KCNN3: variants seen among roughly 807,000 people sequenced by gnomAD.
KCNN3 encodes small conductance calcium-activated potassium channel protein 3.
In KCNN3, 16 loss-of-function variants were observed where a neutral mutation model predicts 62.9. The observed-to-expected ratio is 0.25, with a 90% CI of 0.17 to 0.39. KCNN3 has a LOEUF of 0.39. KCNN3 is among the 10% of genes least tolerant of loss of function. The pLI is 1.00. For missense variants in KCNN3, 599 were observed against 949.4 expected (o/e 0.63, Z 4.85); for synonymous variants, 370 against 389.2 (o/e 0.95, Z 0.58).
chr1:154,774,289 C>CT (rs1203614363), intron 2 of KCNN3, among the ~76,000 whole-genome samples: 3 of 152,196 alleles, frequency 2.0e-5, no homozygotes, highest in Admixed American at 2.0e-4. Flanking sequence ...AAGATGCTTC[C>CT]TGCTGTCACC....
chr1:154,868,847 G>A (rs1321283914), intron 1 of KCNN3, among the ~76,000 whole-genome samples, 185 bp downstream of exon 1: 1 of 151,500 alleles, frequency 6.6e-6, no homozygotes, highest in Non-Finnish European at 1.5e-5. Flanking sequence ...CTGAGCAAGC[G>A]CCTCTCACCA....
intron 1 of KCNN3, among the ~76,000 whole-genome samples, chr1:154,845,534 C>T (rs1419312606): frequency 6.6e-6 from 1 of 152,218 alleles, no homozygotes. Flanking sequence ...TACCCAGGAC[C>T]ACTGAGGCCA....
In KCNN3 at chr1:154,869,140, G is replaced by C. The variant is rs1653074418; in HGVS notation, c.825C>G (p.Ala275=). The part of the protein sequence containing the change: ...NIGYKLGHRR[A]LFEKRKRLSD... ...TCAGTCGCTTTCTCTTTTCAAACAG[G>C]GCCCTCCTGTGTCCCAGCTTATAGC... The change falls in exon 1 of 8, where the codon GCC becomes GCG. Residue 275 remains alanine (A), a synonymous_variant. Transcript: ENST00000271915. The surrounding 1 kb of genome is among the most constrained non-coding windows in gnomAD (Gnocchi z 6.1). 1 of 1,613,988 alleles carries C rather than the reference G, an allele frequency of 6.2e-7. No individual in the cohort carries two copies. Among genetic ancestry groups the C allele is most frequent in the South Asian group, 1.1e-5 (1 of 91,074 alleles).
intron 2 of KCNN3, among the ~76,000 whole-genome samples, chr1:154,797,571 T>C (rs1181629338): frequency 6.6e-6 from 1 of 152,224 alleles, no homozygotes; most frequent in Non-Finnish European, 1.5e-5. Flanking sequence ...CACGGACTTA[T>C]TTGATTGATT....
intron 2 of KCNN3, among the ~76,000 whole-genome samples, chr1:154,807,005 C>G (rs1650200068): frequency 6.6e-6 from 1 of 152,154 alleles, no homozygotes; most frequent in Non-Finnish European, 1.5e-5. Context: ...TACAAGAGAT[C>G]CTGTCCCTCA....
intron 2 of KCNN3, among the ~76,000 whole-genome samples, chr1:154,804,232 T>A (rs745639952): frequency 2.0e-5 from 3 of 152,248 alleles, no homozygotes; most frequent in Non-Finnish European, 4.4e-5. Flanking sequence ...TTCAGATTAA[T>A]GCGTTCACTC....
At chr1:154,830,737 G>C (rs1557997774) in intron 1 of KCNN3, among the ~76,000 whole-genome samples, 1 of 152,226 alleles carries the variant, frequency 6.6e-6, no homozygotes, top group Non-Finnish European at 1.5e-5. Context: ...GGTCTGAGCA[G>C]AGGGTGGCCT....
intron 6 of KCNN3, among the ~76,000 whole-genome samples, chr1:154,714,272 G>GT (rs1700161024): frequency 5.8e-5 from 3 of 51,340 alleles, no homozygotes; most frequent in Non-Finnish European, 1.2e-4. Context: ...TGTGGTATGT[G>GT]GTGTGTGTGG....
chr1:154,742,880 T>C (rs540413650), intron 3 of KCNN3, among the ~76,000 whole-genome samples: 3 of 152,316 alleles, frequency 2.0e-5, no homozygotes, highest in African/African-American at 7.2e-5. Context: ...GCTGCACGGA[T>C]GTGGAGAAAG....
chr1:154,734,777 C>T (rs1700675460), intron 3 of KCNN3, among the ~76,000 whole-genome samples: 1 of 152,238 alleles, frequency 6.6e-6, no homozygotes, highest in Admixed American at 6.5e-5. Flanking sequence ...CAAACATTCT[C>T]ATCTCACAAC....
intron 2 of KCNN3, among the ~76,000 whole-genome samples, chr1:154,820,297 C>T (rs1650836454): frequency 6.6e-6 from 1 of 152,202 alleles, no homozygotes; most frequent in African/African-American, 2.4e-5. Flanking sequence ...CTGGCTCTAC[C>T]CACCCCAATG....
At chr1:154,806,464 C>CA (rs1335242851) in intron 2 of KCNN3, among the ~76,000 whole-genome samples, 1 of 152,198 alleles carries the variant, frequency 6.6e-6, no homozygotes, top group African/African-American at 2.4e-5. Context: ...CCTGTTTATA[C>CA]AGAGGAGGAA....
intron 2 of KCNN3, among the ~76,000 whole-genome samples, chr1:154,817,712 G>A (rs570668483): frequency 3.9e-5 from 6 of 152,254 alleles, no homozygotes; most frequent in African/African-American, 1.4e-4. Flanking sequence ...ATGGCACCAG[G>A]GCCATTCATT....
Position 154,708,028 on chromosome 1 carries a change from C to T in KCNN3, c.2144G>A (p.Gly715Glu). The T allele has an allele frequency of 6.2e-7, 1 of 1,613,258 alleles. No homozygotes were observed. The highest frequency in any genetic ancestry group is 8.5e-7 in the Non-Finnish European group (1 of 1,179,500). ...THTPISDSPI[G>E]VSSTSFPTPY... is the part of the protein sequence containing the mutation. ...GGTCGGGAAGGAGGTGGAGCTGACC[C>T]CAATGGGGCTATCGGAGATTGGGGT... The change falls in exon 8 of 8, where the codon GGG becomes GAG. Residue 715 changes from glycine (G) to glutamate (E), a missense_variant. By Grantham distance (98) the Gly-to-Glu change is moderately conservative. This residue lies in a region of KCNN3 where 52 missense variants were observed against 53.3 expected (regional missense o/e 0.98). Transcript: ENST00000271915.
chr1:154,747,789 C>T (rs537025199), intron 3 of KCNN3, among the ~76,000 whole-genome samples: 23 of 152,320 alleles, frequency 1.5e-4, no homozygotes, highest in African/African-American at 5.5e-4. Flanking sequence ...CCCGTGCCTG[C>T]TCCTGTAGCG....
intron 2 of KCNN3, among the ~76,000 whole-genome samples, chr1:154,795,327 G>A (rs1486522358): frequency 6.6e-5 from 10 of 152,216 alleles, no homozygotes; most frequent in South Asian, 2.1e-4. Flanking sequence ...GGCTGACTGC[G>A]TGAAAGAACG....
chr1:154,860,657 T>A (rs1464885917), intron 1 of KCNN3, among the ~76,000 whole-genome samples: 1 of 152,220 alleles, frequency 6.6e-6, no homozygotes, highest in African/African-American at 2.4e-5. Flanking sequence ...GGAAGCCATT[T>A]GGCTCATGAG....
chr1:154,760,484 C>T (rs909431252), intron 3 of KCNN3, among the ~76,000 whole-genome samples: 1 of 152,008 alleles, frequency 6.6e-6, no homozygotes, highest in South Asian at 2.1e-4. Context: ...AGCCGCCGGC[C>T]CAGCCCTGAA....
At chr1:154,781,307 A>T (rs1045208679) in intron 2 of KCNN3, among the ~76,000 whole-genome samples, 5 of 152,170 alleles carry the variant, frequency 3.3e-5, no homozygotes, top group African/African-American at 7.2e-5. Flanking sequence ...ACCACTAGGG[A>T]TAGAGCATCC....
Sources: gnomAD v4.1 joint callset for allele counts (sites outside exome capture counted in the v4.1 genomes callset) on GRCh38, gnomAD v4.1.1 for gene constraint, gnomAD v4.1.1 regional missense constraint, Gnocchi (gnomAD v3.1) non-coding constraint, MANE v1.5 for transcripts, NCBI Gene and HGNC (gene_info 2026-07-23, HGNC 2026-07-21) for gene names.